Variants in NBAS observed in about 807,000 individuals in gnomAD.
NBAS encodes the protein NBAS subunit of NRZ tethering complex, also known as NAG/BC035112 fusion.
In NBAS, 219 loss-of-function variants were observed where a neutral mutation model predicts 302.5. That is an observed-to-expected ratio of 0.72 (90% CI 0.65 to 0.81). The LOEUF (loss-of-function observed/expected upper bound fraction) is 0.81. Among genes scored for constraint, NBAS ranks in the 30% least tolerant of loss-of-function variants. The probability of loss-of-function intolerance (pLI) is 0.00; values close to 1 mark genes in which losing one functional copy is unlikely to be tolerated. For missense variants in NBAS, 2,932 were observed against 2,841.6 expected (o/e 1.03, Z -0.72); for synonymous variants, 1,118 against 1,021.6 (o/e 1.09, Z -1.80).
At chr2:15,161,345 C>T in the NBAS span, among the ~76,000 whole-genome samples, 22 of 152,104 alleles carry the variant, frequency 1.4e-4, no homozygotes, top group Admixed American at 7.9e-4. Flanking sequence ...AAATGTTTCC[C>T]GGTTAAAGCA....
chr2:14,795,064 T>C, the NBAS span, among the ~76,000 whole-genome samples: 1 of 152,236 alleles, frequency 6.6e-6, no homozygotes, highest in Non-Finnish European at 1.5e-5. Flanking sequence ...TATGAATATT[T>C]GTGTACAAGT....
At chr2:15,248,364 G>A (rs1316062358) in intron 44 of NBAS, among the ~76,000 whole-genome samples, 3 of 152,096 alleles carry the variant, frequency 2.0e-5, no homozygotes, top group Non-Finnish European at 4.4e-5. Flanking sequence ...AACACCTAAA[G>A]TTGACACCCT....
At chr2:14,795,926 T>C in the NBAS span, among the ~76,000 whole-genome samples, 1 of 152,238 alleles carries the variant, frequency 6.6e-6, no homozygotes, top group Non-Finnish European at 1.5e-5. Flanking sequence ...AATATTCTTC[T>C]GTATGTCTTT....
chr2:15,115,951 C>T, the NBAS span, among the ~76,000 whole-genome samples: 112 of 152,322 alleles, frequency 7.4e-4, 1 homozygote, highest in Admixed American at 1.7e-3. Context: ...ATATCTACTC[C>T]TTCCTCATTT....
intron 8 of NBAS, among the ~76,000 whole-genome samples, chr2:15,534,894 A>G (rs2148681337): frequency 6.6e-6 from 1 of 152,270 alleles, no homozygotes; most frequent in South Asian, 2.1e-4. Context: ...ATACTGACCC[A>G]AGAGAAATGA....
chr2:15,180,063 T>C (rs1281786403), intron 50 of NBAS: 1 of 152,192 alleles, frequency 6.6e-6, no homozygotes. Context: ...ATCCACGGGA[T>C]TGATTTTTCT....
At chr2:15,178,701 T>G (rs995016278) in intron 51 of NBAS, among the ~76,000 whole-genome samples, 4 of 152,194 alleles carry the variant, frequency 2.6e-5, no homozygotes, top group Non-Finnish European at 5.9e-5. Flanking sequence ...TTGATCTTCT[T>G]AAGGAGACTA....
intron 6 of NBAS, among the ~76,000 whole-genome samples, chr2:15,549,020 C>G (rs1050263231): frequency 1.3e-5 from 2 of 152,126 alleles, no homozygotes; most frequent in African/African-American, 4.8e-5. Context: ...AAACAACTGA[C>G]AGATTTCAGG....
chr2:15,485,288 A>T (rs539153552), intron 12 of NBAS, among the ~76,000 whole-genome samples: 2 of 152,142 alleles, frequency 1.3e-5, no homozygotes, highest in African/African-American at 4.8e-5. Context: ...AATGTAAAAA[A>T]TTAATAATTA....
chr2:15,286,494 T>C (rs1270779141), intron 42 of NBAS, among the ~76,000 whole-genome samples: 2 of 152,188 alleles, frequency 1.3e-5, no homozygotes, highest in Non-Finnish European at 2.9e-5. Context: ...CCCAGTCTCA[T>C]CTCACGCCAT....
chr2:15,555,745 G>A (rs547313720), intron 3 of NBAS, among the ~76,000 whole-genome samples: 68 of 152,180 alleles, frequency 4.5e-4, no homozygotes, highest in Non-Finnish European at 8.7e-4. Flanking sequence ...CAGGAGGAAG[G>A]GAGACAAAAA....
the NBAS span, among the ~76,000 whole-genome samples, chr2:14,823,129 A>G: frequency 6.6e-6 from 1 of 152,232 alleles, no homozygotes; most frequent in Admixed American, 6.5e-5. Flanking sequence ...AGGACCCTAC[A>G]GGGACTCGAT....
intron 38 of NBAS, among the ~76,000 whole-genome samples, chr2:15,313,443 G>T (rs1249414515): frequency 6.6e-6 from 1 of 152,154 alleles, no homozygotes; most frequent in Non-Finnish European, 1.5e-5. Flanking sequence ...ACTCAGAAAG[G>T]CAGTTCATCT....
chr2:15,092,068 T>C, the NBAS span, among the ~76,000 whole-genome samples: 1 of 152,180 alleles, frequency 6.6e-6, no homozygotes, highest in African/African-American at 2.4e-5. Flanking sequence ...GGGTCAACTG[T>C]AAATGGGGAA....
the NBAS span, among the ~76,000 whole-genome samples, chr2:14,806,720 T>C: frequency 1.1e-3 from 162 of 152,188 alleles, no homozygotes; most frequent in Non-Finnish European, 1.9e-3. Context: ...TACTAATAGT[T>C]GCAAAGGCCA....
intron 21 of NBAS, among the ~76,000 whole-genome samples, chr2:15,430,938 C>A (rs538816199): frequency 4.9e-4 from 75 of 152,190 alleles, no homozygotes; most frequent in Admixed American, 2.2e-3. Flanking sequence ...TCCTGAGTAG[C>A]TGGGACTACA....
intron 47 of NBAS, 104 bp from the exon 48 acceptor site, chr2:15,219,072 A>G: frequency 7.0e-7 from 1 of 1,422,686 alleles, no homozygotes; most frequent in South Asian, 1.3e-5. Context: ...TTGTTGGATG[A>G]CTTCGTTTTT....
intron 11 of NBAS, among the ~76,000 whole-genome samples, chr2:15,492,119 G>C (rs1331533658): frequency 6.6e-6 from 1 of 152,142 alleles, no homozygotes; most frequent in East Asian, 1.9e-4. Context: ...ACACACAAAA[G>C]TAGAAATTAC....
chr2:14,895,632 G>C, the NBAS span, among the ~76,000 whole-genome samples: 704 of 152,066 alleles, frequency 4.6e-3, 4 homozygotes, highest in Admixed American at 7.1e-3. Flanking sequence ...CCAGCTACTT[G>C]GGGAGGCTGA....
Sources: gnomAD v4.1 joint callset for allele counts (sites outside exome capture counted in the v4.1 genomes callset) on GRCh38, gnomAD v4.1.1 for gene constraint, MANE v1.5 for transcripts, NCBI Gene and HGNC (gene_info 2026-07-23, HGNC 2026-07-21) for gene names.